Variants in FSCN2 observed in about 807,000 individuals in gnomAD.
FSCN2 encodes the protein fascin-2.
A neutral mutation model predicts 37.8 loss-of-function variants in FSCN2; 46 were observed. The ratio of observed to expected loss-of-function variants is 1.22; its 90% CI spans 0.96 to 1.56. The LOEUF (loss-of-function observed/expected upper bound fraction) is 1.56. FSCN2 is among the 40% of genes most tolerant of loss of function. The probability of loss-of-function intolerance (pLI) is 0.00; values close to 1 mark genes in which losing one functional copy is unlikely to be tolerated. For synonymous variants in FSCN2, 351 were observed against 309.4 expected (o/e 1.13, Z -1.41); for missense variants, 844 against 730.4 (o/e 1.16, Z -1.79).
At position 81,536,375 on chromosome 17, in the gene FSCN2, G is replaced by A. The variant is rs2075721; in HGVS notation, c.1105+108G>A. The A allele has an allele frequency of 0.017, 24,661 of 1,469,302 alleles. 2,019 individuals carry two copies. In the African/African-American group the frequency reaches 0.22, roughly 13 times the overall value. 91.0% of individuals were successfully genotyped at this position (1,469,302 alleles called of 1,614,324 possible). A position where few individuals can be genotyped will look rare whatever the true frequency, so the allele number is the denominator to read the frequency against. ...AAGAGCTGGACCCTCCCCAGCCCACGGAACGGGTGCTGTCATGGAGTCATA... is the reference window on the plus strand; with the variant it reads ...AAGAGCTGGACCCTCCCCAGCCCACAGAACGGGTGCTGTCATGGAGTCATA... On this transcript the variant is annotated intron_variant, in intron 3 of 4. Transcript: ENST00000417245.
chr17:81,528,527 T>A lies in FSCN2; in HGVS notation c.-5T>A. On this transcript the variant is annotated 5_prime_UTR_variant, in exon 1 of 5. Transcript: ENST00000417245. ...GGCCCCTCCGGGGACCCGGCCAGCC[T>A]GAAGATGCCGACGAACGGCCTGCAC... The A allele has an allele frequency of 6.3e-7, 1 of 1,583,728 alleles. No individual in the cohort carries two copies. The highest frequency in any genetic ancestry group is 8.6e-7 in the Non-Finnish European group (1 of 1,164,590).
chr17:81,535,231 C>G (rs1484351095), intron 2 of FSCN2, 23 bp downstream of exon 2: 7 of 1,502,130 alleles, frequency 4.7e-6, no homozygotes, highest in Admixed American at 2.1e-5. Flanking sequence ...ATCCCTTCCT[C>G]CTCCATCATC....
chr17:81,536,481 G>A lies in FSCN2; in HGVS notation c.1106-141G>A, dbSNP rs1420406152. On this transcript the variant is annotated intron_variant, in intron 3 of 4. Coordinates refer to ENST00000417245, the MANE Select transcript of FSCN2 (RefSeq NM_012418.4). ...CTCCGCTGCTGGGAACCCCCTAGGC[G>A]CCTTGCCAAGGCCGCACATGAGGCA... The A allele has an allele frequency of 3.3e-5, 51 of 1,525,512 alleles. No homozygotes were observed. In the East Asian group the frequency reaches 9.3e-4, roughly 28 times the overall value. 94.5% of individuals were successfully genotyped at this position (1,525,512 alleles called of 1,614,324 possible). A position where few individuals can be genotyped will look rare whatever the true frequency, so the allele number is the denominator to read the frequency against.
the FSCN2 span, among the ~76,000 whole-genome samples, chr17:81,520,983 C>G: frequency 6.6e-6 from 1 of 152,066 alleles, no homozygotes; most frequent in African/African-American, 2.4e-5. Context: ...TTTTTTAAAC[C>G]TTCTGGGATA....
intron 3 of FSCN2, 109 bp downstream of exon 3, chr17:81,536,376 G>A (rs1279055352): frequency 2.1e-6 from 3 of 1,459,470 alleles, no homozygotes; most frequent in Non-Finnish European, 2.8e-6. Context: ...CCAGCCCACG[G>A]AACGGGTGCT....
At chr17:81,525,425 C>CAAAAAAAAAAAAA (rs1202765459), upstream of FSCN2, among the ~76,000 whole-genome samples, 440 of 47,726 alleles carry the variant, frequency 9.2e-3, 31 homozygotes, top group African/African-American at 0.032. Flanking sequence ...GACTCTGTCT[C>CAAAAAAAAAAAAA]AAAAAAAAAA....
In FSCN2 at chr17:81,528,670, G is replaced by A; in HGVS notation, c.139G>A (p.Val47Met). The change falls in exon 1 of 5, where the codon GTG becomes ATG. Residue 47 changes from valine to methionine, a missense_variant. Coordinates refer to ENST00000417245, the MANE Select transcript of FSCN2 (RefSeq NM_012418.4). The part of the protein sequence containing the change: ...APSLKRKQTW[V>M]LEPDPGQGTA... The stretch of plus-strand genomic sequence containing the variant: ...CAGCCTCAAGAGGAAGCAGACCTGG[G>A]TGCTGGAACCCGACCCAGGACAAGG... 6.2e-7 allele frequency: 1 copy of A among 1,602,156 alleles called. No individual in the cohort carries two copies. Among genetic ancestry groups the A allele is most frequent in the Non-Finnish European group, 8.5e-7 (1 of 1,175,208 alleles).
rs2032565936 is a variant in FSCN2, at chr17:81,531,327, G to GTGGTGGTGATGGTGGTGGTGGTGA, written c.826+1990_826+1991insGTGATGGTGGTGATGGTGGTGGTG. ...GATGGTGGTGGTGGTGATGATGGTG[G>GTGGTGGTGATGGTGGTGGTGGTGA]TGGTGGTGATGGTGGTGGTGATGAT... On this transcript the variant is annotated intron_variant, in intron 1 of 4. Transcript: ENST00000417245. 1.4e-4 allele frequency among the ~76,000 whole-genome samples: 15 copies of GTGGTGGTGATGGTGGTGGTGGTGA among 103,878 alleles called. 1 individual carries two copies. The East Asian group carries it at 4.0e-3, about 28-fold the overall frequency. The allele number at this position is 103,878 out of a possible 152,430, so 68.1% of individuals were successfully genotyped here.
At chr17:81,536,030 TGTCA>T in intron 2 of FSCN2, 112 bp from the exon 3 acceptor site, 1 of 1,283,242 alleles carries the variant, frequency 7.8e-7, no homozygotes, top group Non-Finnish European at 1.1e-6. Context: ...GTGGTGGGTG[TGTCA>T]GTGGAGGGCA....
chr17:81,528,700 G>T lies in FSCN2; in HGVS notation c.169G>T (p.Ala57Ser). 6.2e-7 allele frequency: 1 copy of T among 1,600,498 alleles called. No individual in the cohort carries two copies. The highest frequency in any genetic ancestry group is 8.5e-7 in the Non-Finnish European group (1 of 1,174,540). Reference sequence around the variant, plus strand: ...GGAACCCGACCCAGGACAAGGCACGGCTGTGCTGCTCCGCAGCAGCCACCT... The same window carrying T: ...GGAACCCGACCCAGGACAAGGCACGTCTGTGCTGCTCCGCAGCAGCCACCT... ...VLEPDPGQGTAVLLRSSHLGR... is the reference protein window; with the variant it reads ...VLEPDPGQGTSVLLRSSHLGR... The change falls in exon 1 of 5, where the codon GCT becomes TCT. Residue 57 changes from alanine (A) to serine (S), a missense_variant. Ala to Ser is a moderately conservative substitution (Grantham distance 99). Transcript: ENST00000417245.
chr17:81,524,920 C>CA (rs34296787), upstream of FSCN2, among the ~76,000 whole-genome samples: 5 of 51,524 alleles, frequency 9.7e-5, no homozygotes, highest in South Asian at 4.9e-4. Flanking sequence ...CACACACACA[C>CA]CACACTCACA....
At chr17:81,525,985 G>T (rs376120127), upstream of FSCN2, among the ~76,000 whole-genome samples, 5 of 152,334 alleles carry the variant, frequency 3.3e-5, no homozygotes, top group South Asian at 2.1e-4. Flanking sequence ...AGCTGGGTCA[G>T]TGCCAGGCAG....
At chr17:81,533,866 C>T (rs147370140) in intron 1 of FSCN2, among the ~76,000 whole-genome samples, 2 of 152,228 alleles carry the variant, frequency 1.3e-5, no homozygotes, top group East Asian at 1.9e-4. Context: ...GGTGCAGTGG[C>T]GGGGGGAGCC....
chr17:81,529,323 G>A lies in FSCN2; in HGVS notation c.792G>A (p.Val264=). 6.4e-7 allele frequency: 1 copy of A among 1,558,472 alleles called. No individual in the cohort carries two copies. The highest frequency in any genetic ancestry group is 1.4e-5 in the African/African-American group (1 of 73,932). The part of the protein sequence containing the change: ...LEESHPQVVL[V]AANHRYVSVR... ...AGAGTCACCCACAGGTGGTGCTGGT[G>A]GCTGCCAACCACCGCTACGTCTCTG... Residue 264 remains valine (V), a synonymous_variant, in exon 1 of 5, where the codon GTG becomes GTA. Transcript: ENST00000417245.
chr17:81,529,872 T>C (rs188988238), intron 1 of FSCN2, among the ~76,000 whole-genome samples: 176 of 152,372 alleles, frequency 1.2e-3, no homozygotes, highest in African/African-American at 3.9e-3. Flanking sequence ...CGCAGTGGCG[T>C]GATCTCGGCT....
chr17:81,531,789 GTGATGA>G (rs761249074), intron 1 of FSCN2, among the ~76,000 whole-genome samples: 1 of 83,144 alleles, frequency 1.2e-5, no homozygotes, highest in Admixed American at 1.4e-4. Flanking sequence ...GGTGATGATG[GTGATGA>G]TGATAATGGT....
chr17:81,529,383 C>T lies in FSCN2; in HGVS notation c.826+26C>T, dbSNP rs782342614. 7.3e-6 allele frequency: 11 copies of T among 1,507,412 alleles called. No homozygotes were observed. The Admixed American group carries it at 1.6e-4, about 22-fold the overall frequency. The allele number at this position is 1,507,412 out of a possible 1,614,324, so 93.4% of individuals were successfully genotyped here. ...GTAGGGAGGGCACAGGTGGCGACCT[C>T]CTGAGGGGTGCTGGGACCCCCCTGC... On this transcript the variant is annotated intron_variant, in intron 1 of 4. Coordinates refer to ENST00000417245, the MANE Select transcript of FSCN2 (RefSeq NM_012418.4).
chr17:81,536,957 G>A lies in FSCN2; in HGVS notation c.1356G>A (p.Glu452=). 1 of 1,559,760 alleles carries A rather than the reference G, an allele frequency of 6.4e-7. No homozygotes were observed. The highest frequency in any genetic ancestry group is 8.6e-7 in the Non-Finnish European group (1 of 1,161,190). ...AACGCGCCGAGGACTTCGTCTTCGAGTTCCGTGAGCGCGGCCGCCTGGCCA... is the reference window on the plus strand; with the variant it reads ...AACGCGCCGAGGACTTCGTCTTCGAATTCCGTGAGCGCGGCCGCCTGGCCA... ...DGERAEDFVF[E]FRERGRLAIR... The change falls in exon 5 of 5, where the codon GAG becomes GAA. Residue 452 remains glutamate (E), a synonymous_variant. Coordinates refer to ENST00000417245, the MANE Select transcript of FSCN2 (RefSeq NM_012418.4).
chr17:81,533,762 C>T (rs1359094083), intron 1 of FSCN2, among the ~76,000 whole-genome samples: 2 of 152,214 alleles, frequency 1.3e-5, no homozygotes, highest in African/African-American at 2.4e-5. Flanking sequence ...GGCCATGTCC[C>T]CGGAAGCAGG....
Sources: allele counts gnomAD v4.1 joint callset (sites outside exome capture counted in the v4.1 genomes callset), GRCh38; gene constraint gnomAD v4.1.1; transcripts MANE v1.5; gene names NCBI Gene and HGNC (gene_info 2026-07-23, HGNC 2026-07-21).